Variants in SEC24B observed in about 807,000 individuals in gnomAD.
The protein encoded by SEC24B is protein transport protein Sec24B.
In SEC24B, 45 loss-of-function variants were observed where a neutral mutation model predicts 142.8. That is an observed-to-expected ratio of 0.32 (90% CI 0.25 to 0.40). The LOEUF (loss-of-function observed/expected upper bound fraction) is 0.40, where lower values mean the gene tolerates loss of function less well. SEC24B is among the 10% of genes least tolerant of loss of function. The pLI is 1.00. For synonymous variants in SEC24B, 574 were observed against 568.2 expected (o/e 1.01, Z -0.15); for missense variants, 1,409 against 1,526.8 (o/e 0.92, Z 1.29).
At chr4:109,459,597 A>AC (rs1396813042) in intron 1 of SEC24B, among the ~76,000 whole-genome samples, 1 of 151,994 alleles carries the variant, frequency 6.6e-6, no homozygotes, top group Non-Finnish European at 1.5e-5. Flanking sequence ...AGATATTCCC[A>AC]CCCCCCATGT....
intron 9 of SEC24B, among the ~76,000 whole-genome samples, chr4:109,513,409 G>A (rs1325805681): frequency 6.6e-6 from 1 of 151,698 alleles, no homozygotes; most frequent in African/African-American, 2.4e-5. Flanking sequence ...TCAGCCTCCT[G>A]AGTAGCTGGG....
chr4:109,505,405 T>C lies in SEC24B; in HGVS notation c.1489-923T>C, dbSNP rs541844656. On this transcript the variant is annotated intron_variant, in intron 6 of 23. Transcript: ENST00000265175. ...TTGGTGGTGTTATAAATGTATATTATAGGATAAAATAATGCTGTTACCATT... is the reference window on the plus strand; with the variant it reads ...TTGGTGGTGTTATAAATGTATATTACAGGATAAAATAATGCTGTTACCATT... Among the ~76,000 whole-genome samples the C allele has an allele frequency of 2.2e-4, 33 of 152,172 alleles. 1 individual carries two copies. Among genetic ancestry groups the C allele is most frequent in the Admixed American group, 1.9e-3 (29 of 15,290 alleles).
rs781702914 is a variant in SEC24B, at chr4:109,533,671, A to G, written c.3574A>G (p.Ile1192Val). 1.9e-5 allele frequency: 30 copies of G among 1,596,880 alleles called. No individual in the cohort carries two copies. Among genetic ancestry groups the G allele is most frequent in the East Asian group, 2.2e-5 (1 of 44,704 alleles). Reference sequence around the variant, plus strand: ...GCTTGGATATACTAATTTTGCATCAATACCACAGAAAATGGTCAGTAGATT... The same window carrying G: ...GCTTGGATATACTAATTTTGCATCAGTACCACAGAAAATGGTCAGTAGATT... ...DVLGYTNFASIPQKMTHLPEL... is the reference protein window; with the variant it reads ...DVLGYTNFASVPQKMTHLPEL... Residue 1192 changes from isoleucine to valine, a missense_variant, in exon 22 of 24, where the codon ATA becomes GTA. Transcript: ENST00000265175.
chr4:109,524,917 C>T lies in SEC24B; in HGVS notation c.2608C>T (p.Gln870Ter). ...TAVDLFLLSS[Q>*]YSDLASLACM... ...AGTGGATTTGTTCCTTTTAAGTTCA[C>T]AGTATTCTGATCTTGCTTCTCTAGG... The change falls in exon 15 of 24, where the codon CAG becomes TAG. Residue 870 changes from glutamine (Q) to a stop codon, truncating the protein, a stop_gained. Coordinates refer to ENST00000265175, the MANE Select transcript of SEC24B (RefSeq NM_006323.5). LOFTEE classifies it high-confidence loss of function. 1 of 1,611,988 alleles carries T rather than the reference C, an allele frequency of 6.2e-7. No homozygotes were observed. The highest frequency in any genetic ancestry group is 8.5e-7 in the Non-Finnish European group (1 of 1,179,024).
chr4:109,456,830 G>A (rs1730741301), intron 1 of SEC24B, among the ~76,000 whole-genome samples: 1 of 152,294 alleles, frequency 6.6e-6, no homozygotes, highest in South Asian at 2.1e-4. Context: ...TCACAGCTAA[G>A]TTAAACAAAT....
At chr4:109,452,997 G>C (rs1390114681) in intron 1 of SEC24B, among the ~76,000 whole-genome samples, 1 of 152,208 alleles carries the variant, frequency 6.6e-6, no homozygotes, top group Non-Finnish European at 1.5e-5. Flanking sequence ...TAAAGGGAAA[G>C]AGTACAAAAG....
intron 3 of SEC24B, among the ~76,000 whole-genome samples, chr4:109,480,023 T>A (rs1733572429): frequency 6.6e-6 from 1 of 152,182 alleles, no homozygotes; most frequent in Non-Finnish European, 1.5e-5. Context: ...TACATCGATT[T>A]TTATTTTATT....
In SEC24B at chr4:109,540,867, G is replaced by A. The variant is rs1726093846; in HGVS notation, c.*1192G>A. 2 of 150,730 alleles carry A rather than the reference G, an allele frequency of 1.3e-5. No individual in the cohort carries two copies. Among genetic ancestry groups the A allele is most frequent in the Non-Finnish European group, 2.9e-5 (2 of 67,892 alleles). 9.3% of individuals were successfully genotyped at this position (150,730 alleles called of 1,614,324 possible). A position where few individuals can be genotyped will look rare whatever the true frequency, so the allele number is the denominator to read the frequency against. On this transcript the variant is annotated 3_prime_UTR_variant, in exon 24 of 24. Coordinates refer to ENST00000265175, the MANE Select transcript of SEC24B (RefSeq NM_006323.5). ...ACTGCACTCCAGCCTGGGCAACAGAGTGAGACTCCATCTTAAAAAAAAAAA... is the reference window on the plus strand; with the variant it reads ...ACTGCACTCCAGCCTGGGCAACAGAATGAGACTCCATCTTAAAAAAAAAAA...
At chr4:109,483,335 T>A (rs908147581) in intron 4 of SEC24B, among the ~76,000 whole-genome samples, 15 of 152,074 alleles carry the variant, frequency 9.9e-5, no homozygotes, top group African/African-American at 2.9e-4. Flanking sequence ...TGCCTTGGCC[T>A]CCCAAAGTGC....
chr4:109,527,234 A>T, intron 17 of SEC24B, 88 bp from the exon 18 acceptor site: 1 of 942,814 alleles, frequency 1.1e-6, no homozygotes, highest in Non-Finnish European at 1.6e-6. Flanking sequence ...AAAAAAAAAG[A>T]AAGAAAGAAA....
chr4:109,528,315 A>G (rs1236329780), intron 18 of SEC24B, among the ~76,000 whole-genome samples: 1 of 151,718 alleles, frequency 6.6e-6, no homozygotes, highest in Non-Finnish European at 1.5e-5. Context: ...AATCCCAACT[A>G]CTTGGGAGGT....
chr4:109,476,064 G>T (rs1309764030), intron 3 of SEC24B, among the ~76,000 whole-genome samples: 2 of 149,382 alleles, frequency 1.3e-5, no homozygotes, highest in African/African-American at 2.5e-5. Flanking sequence ...TTGGGTCACT[G>T]CAGCCTCTGC....
At chr4:109,474,704 C>T (rs577972819) in intron 3 of SEC24B, among the ~76,000 whole-genome samples, 40 of 152,282 alleles carry the variant, frequency 2.6e-4, no homozygotes, top group Admixed American at 8.5e-4. Context: ...GGATTACAGG[C>T]GTGAGCCACC....
chr4:109,468,412 T>C (rs1180543478), intron 2 of SEC24B, among the ~76,000 whole-genome samples: 1 of 152,220 alleles, frequency 6.6e-6, no homozygotes, highest in Non-Finnish European at 1.5e-5. Flanking sequence ...GATTCTGGCT[T>C]TAGCTGTTAT....
chr4:109,471,350 G>A (rs1002083865), intron 2 of SEC24B, among the ~76,000 whole-genome samples: 204 of 152,154 alleles, frequency 1.3e-3, no homozygotes, highest in Non-Finnish European at 1.6e-4. Context: ...TTGCCGTGTT[G>A]CCCAGGCTGG....
Position 109,521,554 on chromosome 4 carries a change from GAC to G in SEC24B, c.2440_2441del (p.Gln814ValfsTer16). 1 of 1,614,122 alleles carries G rather than the reference GAC, an allele frequency of 6.2e-7. No individual in the cohort carries two copies. The highest frequency in any genetic ancestry group is 8.5e-7 in the Non-Finnish European group (1 of 1,180,006). On this transcript the variant is annotated frameshift_variant, in exon 14 of 24. Coordinates refer to ENST00000265175, the MANE Select transcript of SEC24B (RefSeq NM_006323.5). LOFTEE classifies it high-confidence loss of function. Reference sequence around the variant, plus strand: ...CAGGTGGCCGTGTGTCTGTATTTCAGACACAGTTACCTTCCTTGGGTGCAGGA... The same window carrying G: ...CAGGTGGCCGTGTGTCTGTATTTCAGACAGTTACCTTCCTTGGGTGCAGGA... Reference protein sequence around the residue: ...PTGGRVSVFQTQLPSLGAGLL... With the variant: ...PTGGRVSVFQXQLPSLGAGLL...
chr4:109,434,188 G>A (rs1410918092), intron 1 of SEC24B, among the ~76,000 whole-genome samples, 186 bp downstream of exon 1: 1 of 148,116 alleles, frequency 6.8e-6, no homozygotes, highest in Non-Finnish European at 1.5e-5. Context: ...GGCAGGGAAG[G>A]CACGGCGCGG....
At chr4:109,503,167 C>A (rs1414992440) in intron 6 of SEC24B, among the ~76,000 whole-genome samples, 1 of 150,274 alleles carries the variant, frequency 6.7e-6, no homozygotes, top group Non-Finnish European at 1.5e-5. Flanking sequence ...TCAAGCGATT[C>A]TCCTGCCTCA....
chr4:109,517,910 T>C (rs1723126745), intron 11 of SEC24B, among the ~76,000 whole-genome samples: 1 of 152,016 alleles, frequency 6.6e-6, no homozygotes, highest in Admixed American at 6.6e-5. Flanking sequence ...CTAAATATGT[T>C]AGGAAGCGAG....
Sources: gnomAD v4.1 joint callset for allele counts (sites outside exome capture counted in the v4.1 genomes callset) on GRCh38, gnomAD v4.1.1 for gene constraint, MANE v1.5 for transcripts, NCBI Gene and HGNC (gene_info 2026-07-23, HGNC 2026-07-21) for gene names.